The following EHD3 variants were observed in gnomAD, a reference collection of about 807,000 sequenced individuals.
EHD3 encodes the protein EH domain-containing protein 3.
In EHD3, 17 loss-of-function variants were observed where a neutral mutation model predicts 43.0. That is an observed-to-expected ratio of 0.40 (90% CI 0.27 to 0.59). The LOEUF (loss-of-function observed/expected upper bound fraction) is 0.59. EHD3 is among the 20% of genes least tolerant of loss of function. EHD3 has a pLI of 0.49. For synonymous variants in EHD3, 313 were observed against 289.5 expected, an observed-to-expected ratio of 1.08 and a Z score of -0.82; for missense variants, 594 against 705.6, an observed-to-expected ratio of 0.84 and a Z score of 1.79.
chr2:31,247,491 G>A, intron 2 of EHD3, among the ~76,000 whole-genome samples: 1 of 152,204 alleles, frequency 6.6e-6, no homozygotes, highest in Non-Finnish European at 1.5e-5. Context: ...AGGTGACTGA[G>A]GCAAGATCCT....
chr2:31,263,047 A>G (rs1006845197), intron 5 of EHD3, among the ~76,000 whole-genome samples: 1 of 152,226 alleles, frequency 6.6e-6, no homozygotes, highest in African/African-American at 2.4e-5. Flanking sequence ...GGTTTTTCAT[A>G]ACATCACTAT....
At chr2:31,259,898 A>G (rs1683818254) in intron 3 of EHD3, among the ~76,000 whole-genome samples, 2 of 152,290 alleles carry the variant, frequency 1.3e-5, no homozygotes, top group African/African-American at 4.8e-5. Flanking sequence ...AATAAGAGTT[A>G]CTAGGCCAGG....
At chr2:31,234,993 C>CA (rs762562863) in intron 1 of EHD3, 145 bp downstream of exon 1, 482 of 777,014 alleles carry the variant, frequency 6.2e-4, no homozygotes, top group Non-Finnish European at 9.1e-4. Context: ...GTGCAGGCGT[C>CA]AAAATCTTAC....
chr2:31,256,193 C>T (rs984004391), intron 3 of EHD3, among the ~76,000 whole-genome samples: 13 of 152,238 alleles, frequency 8.5e-5, no homozygotes, highest in Non-Finnish European at 1.8e-4. Context: ...GTGACTCCTA[C>T]AGAGCACATC....
At position 31,266,310 on chromosome 2, in the gene EHD3, C is replaced by T; in HGVS notation, c.1214C>T (p.Pro405Leu). The change falls in exon 6 of 6, where the codon CCC becomes CTC. Residue 405 changes from proline to leucine, a missense_variant. Physicochemically the swap from Pro to Leu is moderately conservative, Grantham distance 98. Transcript: ENST00000322054. The surrounding 1 kb of genome is among the most constrained non-coding windows in gnomAD (Gnocchi z 5.1). ...VLVRQEESQRPIQMVKGGAFE... is the reference protein window; with the variant it reads ...VLVRQEESQRLIQMVKGGAFE... ...GTGCGCCAGGAGGAGTCACAGCGGC[C>T]CATCCAGATGGTGAAGGGCGGAGCG... 6.2e-7 allele frequency: 1 copy of T among 1,614,162 alleles called. No homozygotes were observed. Among genetic ancestry groups the T allele is most frequent in the Non-Finnish European group, 8.5e-7 (1 of 1,180,038 alleles).
At chr2:31,261,990 C>T (rs1194140353) in intron 5 of EHD3, among the ~76,000 whole-genome samples, 3 of 152,208 alleles carry the variant, frequency 2.0e-5, no homozygotes, top group Non-Finnish European at 2.9e-5. Flanking sequence ...TAATGACCTT[C>T]TCTAGTCACA....
intron 3 of EHD3, among the ~76,000 whole-genome samples, chr2:31,255,625 C>T (rs1330241718): frequency 6.6e-6 from 1 of 152,174 alleles, no homozygotes; most frequent in Non-Finnish European, 1.5e-5. Context: ...AAGTGAACAA[C>T]TAAATATCCA....
intron 3 of EHD3, among the ~76,000 whole-genome samples, chr2:31,259,439 T>C (rs906478123): frequency 2.6e-5 from 4 of 152,118 alleles, no homozygotes; most frequent in African/African-American, 9.7e-5. Flanking sequence ...AGACTATTGG[T>C]CCACCCTCCT....
Position 31,266,524 on chromosome 2 carries a change from G to T in EHD3, c.1428G>T (p.Leu476=). 7.4e-6 allele frequency: 12 copies of T among 1,614,140 alleles called. No homozygotes were observed. Among genetic ancestry groups the T allele is most frequent in the Non-Finnish European group, 1.0e-5 (12 of 1,180,018 alleles). ...NAKKEMVRSK[L]PNSVLGKIWK... is the part of the protein sequence containing the mutation. ...AGAAGGAGATGGTGCGCTCCAAGCT[G>T]CCCAACAGTGTGCTGGGCAAGATCT... The change falls in exon 6 of 6, where the codon CTG becomes CTT. Residue 476 remains leucine (L), a synonymous_variant. Coordinates refer to ENST00000322054, the MANE Select transcript of EHD3 (RefSeq NM_014600.3). This position sits in a 1 kb window ranked among gnomAD's most constrained non-coding sequence, Gnocchi z 5.1.
Position 31,244,331 on chromosome 2 carries a change from C to T in EHD3, c.285C>T (p.Asp95=). 2 of 1,614,250 alleles carry T rather than the reference C, an allele frequency of 1.2e-6. No homozygotes were observed. Among genetic ancestry groups the T allele is most frequent in the Non-Finnish European group, 1.7e-6 (2 of 1,180,050 alleles). Residue 95 remains aspartate, a synonymous_variant, in exon 2 of 6, where the codon GAC becomes GAT. Coordinates refer to ENST00000322054, the MANE Select transcript of EHD3 (RefSeq NM_014600.3). ...GGATTGGGCCTGAGCCCACCACAGA[C>T]TCCTTCATTGCGGTGATGCAGGGAG... ...GMRIGPEPTT[D]SFIAVMQGDM... is the part of the protein sequence containing the mutation.
rs202004901 is a variant in EHD3, at chr2:31,266,206, G to C, written c.1110G>C (p.Lys370Asn). ...QDQLQAQDFSKFQPLKSKLLE... is the reference protein window; with the variant it reads ...QDQLQAQDFSNFQPLKSKLLE... ...AGCTGCAGGCCCAGGACTTTAGCAA[G>C]TTCCAGCCGCTGAAGAGCAAGCTGC... The change falls in exon 6 of 6, where the codon AAG becomes AAC. Residue 370 changes from lysine (K) to asparagine (N), a missense_variant. Physicochemically the swap from Lys to Asn is moderately conservative, Grantham distance 94. Coordinates refer to ENST00000322054, the MANE Select transcript of EHD3 (RefSeq NM_014600.3). This position sits in a 1 kb window ranked among gnomAD's most constrained non-coding sequence, Gnocchi z 5.1. 23 of 1,612,972 alleles carry C rather than the reference G, an allele frequency of 1.4e-5. No homozygotes were observed. The East Asian group carries it at 4.5e-4, about 31-fold the overall frequency.
chr2:31,234,964 T>G, intron 1 of EHD3, 116 bp downstream of exon 1: 1 of 929,894 alleles, frequency 1.1e-6, no homozygotes, highest in Non-Finnish European at 1.6e-6. Context: ...AGTTGAGGGC[T>G]CTGAAGAGAT....
At chr2:31,263,478 C>A (rs1403901367) in intron 5 of EHD3, among the ~76,000 whole-genome samples, 2 of 152,166 alleles carry the variant, frequency 1.3e-5, no homozygotes, top group East Asian at 1.9e-4. Context: ...GAGCACCCAC[C>A]ATGCCCCCTA....
At chr2:31,261,787 G>A (rs1483882912) in intron 5 of EHD3, 74 bp downstream of exon 5, 9 of 1,552,510 alleles carry the variant, frequency 5.8e-6, no homozygotes, top group Non-Finnish European at 7.9e-6. Context: ...GTATGGAGGA[G>A]GCCACTCTTG....
rs1354332524 is a variant in EHD3, at chr2:31,269,246, G to T, written c.*2542G>T. 2 of 152,190 alleles carry T rather than the reference G, an allele frequency of 1.3e-5. No homozygotes were observed. The highest frequency in any genetic ancestry group is 2.1e-4 in the South Asian group (1 of 4,834). 9.4% of individuals were successfully genotyped at this position (152,190 alleles called of 1,614,324 possible). On this transcript the variant is annotated 3_prime_UTR_variant, in exon 6 of 6. Coordinates refer to ENST00000322054, the MANE Select transcript of EHD3 (RefSeq NM_014600.3). The stretch of plus-strand genomic sequence containing the variant: ...TTGTTCCTTGCCCCGACATTACTCA[G>T]TCTGGGCCATGGAATCCATCCAATA...
At chr2:31,247,856 C>A (rs554100489) in intron 2 of EHD3, among the ~76,000 whole-genome samples, 1 of 152,246 alleles carries the variant, frequency 6.6e-6, no homozygotes, top group African/African-American at 2.4e-5. Context: ...ACATTCCCAG[C>A]AGAAAATACT....
Position 31,260,983 on chromosome 2 carries a change from G to A in EHD3, c.915+61G>A. 6.6e-7 allele frequency: 1 copy of A among 1,525,836 alleles called. No homozygotes were observed. The highest frequency in any genetic ancestry group is 8.8e-7 in the Non-Finnish European group (1 of 1,133,862). 94.5% of individuals were successfully genotyped at this position (1,525,836 alleles called of 1,614,324 possible). A position where few individuals can be genotyped will look rare whatever the true frequency, so the allele number is the denominator to read the frequency against. On this transcript the variant is annotated intron_variant, in intron 4 of 5. Coordinates refer to ENST00000322054, the MANE Select transcript of EHD3 (RefSeq NM_014600.3). This position sits in a 1 kb window ranked among gnomAD's most constrained non-coding sequence, Gnocchi z 4.6. ...AGGGGCCCAGAGTTTGGGGTCAGCT[G>A]CACGAGCTGAGGGTTGCTGCCTCCA...
chr2:31,256,447 C>T (rs1416039624), intron 3 of EHD3, among the ~76,000 whole-genome samples: 4 of 152,320 alleles, frequency 2.6e-5, no homozygotes, highest in South Asian at 2.1e-4. Flanking sequence ...GTTTCACTTC[C>T]GTTCAGCAAA....
intron 2 of EHD3, among the ~76,000 whole-genome samples, chr2:31,246,990 G>A (rs761011364): frequency 1.3e-5 from 2 of 151,722 alleles, no homozygotes; most frequent in African/African-American, 2.4e-5. Flanking sequence ...TCCATCTCCT[G>A]GGTTCAGGCA....
Sources: allele counts gnomAD v4.1 joint callset (sites outside exome capture counted in the v4.1 genomes callset), GRCh38; gene constraint gnomAD v4.1.1; non-coding constraint Gnocchi (gnomAD v3.1); transcripts MANE v1.5; gene names NCBI Gene and HGNC (gene_info 2026-07-23, HGNC 2026-07-21).